The following RSPO4 variants were observed in gnomAD, a reference collection of about 807,000 sequenced individuals.
RSPO4 encodes R-spondin 4.
Under a neutral mutation model 24.8 loss-of-function variants are expected in RSPO4, and 23 were observed. That is an observed-to-expected ratio of 0.93 (90% CI 0.67 to 1.31). The LOEUF (loss-of-function observed/expected upper bound fraction) is 1.31. Among genes scored for constraint, RSPO4 ranks in the 40% most tolerant of loss-of-function variants. The pLI is 0.00. For synonymous variants in RSPO4, 141 were observed against 127.4 expected, an observed-to-expected ratio of 1.11 and a Z score of -0.72; for missense variants, 333 against 316.5, an observed-to-expected ratio of 1.05 and a Z score of -0.39.
intron 1 of RSPO4, among the ~76,000 whole-genome samples, chr20:980,385 G>T (rs1984698572): frequency 6.6e-6 from 1 of 152,114 alleles, no homozygotes; most frequent in African/African-American, 2.4e-5. Flanking sequence ...CCTGAGACAG[G>T]AAATTGGCCA....
At chr20:968,419 A>C (rs1287717270) in intron 1 of RSPO4, among the ~76,000 whole-genome samples, 1 of 152,198 alleles carries the variant, frequency 6.6e-6, no homozygotes, top group African/African-American at 2.4e-5. Context: ...TGTTGGGTGG[A>C]ATGTGAACGA....
chr20:959,295 A>T lies in RSPO4; in HGVS notation c.*1062T>A, dbSNP rs1156808367. The T allele has an allele frequency of 6.6e-6, 1 of 150,868 alleles. No individual in the cohort carries two copies. Among genetic ancestry groups the T allele is most frequent in the Non-Finnish European group, 1.5e-5 (1 of 67,932 alleles). 9.3% of individuals were successfully genotyped at this position (150,868 alleles called of 1,614,324 possible). ...TTCCCTACATTTCCCCCCTCAAGTG[A>T]CCCCCAAATTCTCCTCTCCACCGTG... On this transcript the variant is annotated 3_prime_UTR_variant, in exon 5 of 5. Coordinates refer to ENST00000217260, the MANE Select transcript of RSPO4 (RefSeq NM_001029871.4).
rs1014134588 is a variant in RSPO4, at chr20:963,538, A to G, written c.595+397T>C. On this transcript the variant is annotated intron_variant, in intron 4 of 4. Transcript: ENST00000217260. ...TGTTGGGCCAAGCGCTTCCATCAAG[A>G]AATTTCTTTTCTTTCTCCTCTATAT... Among the ~76,000 whole-genome samples the G allele has an allele frequency of 2.6e-5, 4 of 152,256 alleles. 1 individual carries two copies.
At chr20:983,121 G>A (rs560820522) in intron 1 of RSPO4, among the ~76,000 whole-genome samples, 3 of 152,330 alleles carry the variant, frequency 2.0e-5, no homozygotes, top group African/African-American at 7.2e-5. Flanking sequence ...AGGTTTTGAA[G>A]TTTGTTCTGC....
intron 1 of RSPO4, among the ~76,000 whole-genome samples, chr20:972,167 C>A (rs1363537527): frequency 6.6e-6 from 1 of 152,216 alleles, no homozygotes; most frequent in Admixed American, 6.5e-5. Context: ...CGGGCTCAAG[C>A]AATCCTCCCT....
chr20:961,442 T>A (rs1196074073), intron 4 of RSPO4, among the ~76,000 whole-genome samples: 1 of 152,158 alleles, frequency 6.6e-6, no homozygotes, highest in East Asian at 1.9e-4. Flanking sequence ...TCCTTGGGTG[T>A]CAACTATGTG....
At chr20:967,390 A>G in intron 2 of RSPO4, 76 bp from the exon 3 acceptor site, 1 of 1,516,380 alleles carries the variant, frequency 6.6e-7, no homozygotes, top group Non-Finnish European at 9.1e-7. Flanking sequence ...CCGAGGTGGA[A>G]GGCCCTCTGG....
chr20:960,310 T>G lies in RSPO4; in HGVS notation c.*47A>C. 1 of 1,198,590 alleles carries G rather than the reference T, an allele frequency of 8.3e-7. No individual in the cohort carries two copies. Among genetic ancestry groups the G allele is most frequent in the Non-Finnish European group, 1.2e-6 (1 of 839,398 alleles). The allele number at this position is 1,198,590 out of a possible 1,614,324, so 74.2% of individuals were successfully genotyped here. A position where few individuals can be genotyped will look rare whatever the true frequency, so the allele number is the denominator to read the frequency against. ...GAGGAGGAGAAGGAGCAGGAGGAGG[T>G]GTGCAGGGGCCGAGGACTAGGACCA... is the stretch of plus-strand genomic sequence containing the variant. On this transcript the variant is annotated 3_prime_UTR_variant, in exon 5 of 5. Coordinates refer to ENST00000217260, the MANE Select transcript of RSPO4 (RefSeq NM_001029871.4).
chr20:962,475 C>T (rs1418475117), intron 4 of RSPO4, among the ~76,000 whole-genome samples: 2 of 152,178 alleles, frequency 1.3e-5, no homozygotes, highest in Non-Finnish European at 2.9e-5. Flanking sequence ...TCCCCAACAG[C>T]CATTCACCCC....
In RSPO4 at chr20:1,002,280, G is replaced by C; in HGVS notation, c.-116C>G. ...TGCTGTGGGCGCGCCGGGCGCATCC[G>C]CCAGGCGCGGGTCGGTCCGGCCGCC... On this transcript the variant is annotated 5_prime_UTR_variant, in exon 1 of 5. Transcript: ENST00000217260. This position sits in a 1 kb window ranked among gnomAD's most constrained non-coding sequence, Gnocchi z 4.6. The C allele has an allele frequency of 2.2e-6, 1 of 458,586 alleles. No homozygotes were observed. The highest frequency in any genetic ancestry group is 3.1e-6 in the Non-Finnish European group (1 of 325,822). 28.4% of individuals were successfully genotyped at this position (458,586 alleles called of 1,614,324 possible).
At position 980,529 on chromosome 20, in the gene RSPO4, C is replaced by T. The variant is rs543638965; in HGVS notation, c.80-12391G>A. Reference sequence around the variant, plus strand: ...CAATCAAGGGGTGAAATGCCCACTCCGTCTCTCAAATTCTCCAGGAGTGAG... The same window carrying T: ...CAATCAAGGGGTGAAATGCCCACTCTGTCTCTCAAATTCTCCAGGAGTGAG... On this transcript the variant is annotated intron_variant, in intron 1 of 4. Transcript: ENST00000217260. 5.3e-5 allele frequency among the ~76,000 whole-genome samples: 8 copies of T among 152,304 alleles called. No homozygotes were observed. The South Asian group carries it at 6.2e-4, about 12-fold the overall frequency.
chr20:1,002,089 G>C lies in RSPO4; in HGVS notation c.76C>G (p.Gln26Glu), dbSNP rs761856917. The C allele has an allele frequency of 1.3e-6, 2 of 1,557,518 alleles. No homozygotes were observed. Among genetic ancestry groups the C allele is most frequent in the Non-Finnish European group, 1.7e-6 (2 of 1,150,294 alleles). Residue 26 changes from glutamine (Q) to glutamate (E), a missense_variant, in exon 1 of 5, where the codon CAA (glutamine) becomes GAA (glutamate). Gln to Glu is a conservative substitution (Grantham distance 29). Coordinates refer to ENST00000217260, the MANE Select transcript of RSPO4 (RefSeq NM_001029871.4). The surrounding 1 kb of genome is among the most constrained non-coding windows in gnomAD (Gnocchi z 4.6). ...DMLALNRRKK[Q>E]VGTGLGGNCT... ...CCTGCCCAGCCACCCCTTGTACCTT[G>C]CTTCTTCCTTCGGTTCAGGGCGAGC... is the stretch of plus-strand genomic sequence containing the variant.
chr20:991,237 G>C (rs1476491962), intron 1 of RSPO4, among the ~76,000 whole-genome samples: 1 of 152,152 alleles, frequency 6.6e-6, no homozygotes, highest in Non-Finnish European at 1.5e-5. Flanking sequence ...CAATGCACCT[G>C]GCTCTGGGGT....
intron 1 of RSPO4, among the ~76,000 whole-genome samples, chr20:990,390 C>T (rs1035559594): frequency 2.0e-5 from 3 of 152,134 alleles, no homozygotes; most frequent in East Asian, 1.9e-4. Context: ...TCCAGACAGT[C>T]AAAAAAGCTG....
chr20:997,991 C>T (rs1985348145), intron 1 of RSPO4, among the ~76,000 whole-genome samples: 1 of 152,154 alleles, frequency 6.6e-6, no homozygotes, highest in African/African-American at 2.4e-5. Flanking sequence ...GTGCCTTTGG[C>T]CCCCTTCCCT....
At chr20:969,081 C>G (rs1301456262) in intron 1 of RSPO4, among the ~76,000 whole-genome samples, 1 of 152,124 alleles carries the variant, frequency 6.6e-6, no homozygotes, top group African/African-American at 2.4e-5. Context: ...TTTGGGAGGC[C>G]AAGATGGGAG....
At chr20:992,842 C>A (rs933141340) in intron 1 of RSPO4, among the ~76,000 whole-genome samples, 3 of 152,150 alleles carry the variant, frequency 2.0e-5, no homozygotes, top group Admixed American at 6.5e-5. Flanking sequence ...ATGTTTCATG[C>A]CTCATTTTGC....
intron 1 of RSPO4, among the ~76,000 whole-genome samples, chr20:989,800 C>T (rs1428785123): frequency 2.0e-5 from 3 of 152,152 alleles, no homozygotes; most frequent in Non-Finnish European, 4.4e-5. Flanking sequence ...GGGCTGGAAC[C>T]AAGATAAGCA....
intron 4 of RSPO4, among the ~76,000 whole-genome samples, chr20:962,734 T>A (rs1984042929): frequency 6.6e-6 from 1 of 152,186 alleles, no homozygotes; most frequent in African/African-American, 2.4e-5. Flanking sequence ...CTCCACTATG[T>A]CCCAGCTGGG....
Sources: allele counts gnomAD v4.1 joint callset (sites outside exome capture counted in the v4.1 genomes callset), GRCh38; gene constraint gnomAD v4.1.1; non-coding constraint Gnocchi (gnomAD v3.1); transcripts MANE v1.5; gene names NCBI Gene and HGNC (gene_info 2026-07-23, HGNC 2026-07-21).